LNPK: variants seen among roughly 807,000 people sequenced by gnomAD.
The protein encoded by LNPK is lunapark, ER junction formation factor.
Under a neutral mutation model 55.2 loss-of-function variants are expected in LNPK, and 29 were observed. The ratio of observed to expected loss-of-function variants is 0.53; its 90% CI spans 0.39 to 0.72. The LOEUF (loss-of-function observed/expected upper bound fraction) is 0.72, where lower values mean the gene tolerates loss of function less well. Among genes scored for constraint, LNPK ranks in the 30% least tolerant of loss-of-function variants. LNPK has a pLI of 0.00. For missense variants in LNPK, 467 were observed against 494.8 expected (o/e 0.94, Z 0.53); for synonymous variants, 162 against 168.2 (o/e 0.96, Z 0.29).
At chr2:175,938,599 C>T (rs1048990698) in intron 10 of LNPK, 9 of 342,480 alleles carry the variant, frequency 2.6e-5, no homozygotes, top group Non-Finnish European at 3.7e-5. Context: ...ATAATTTATA[C>T]ATCAAATTTA....
intron 5 of LNPK, 32 bp downstream of exon 5, chr2:175,979,778 A>C: frequency 6.9e-7 from 1 of 1,458,368 alleles, no homozygotes; most frequent in Non-Finnish European, 9.2e-7. Context: ...GTATTTTAAA[A>C]AATATTTATT....
At chr2:175,970,861 G>C in intron 5 of LNPK, 57 bp from the exon 6 acceptor site, 1 of 1,329,354 alleles carries the variant, frequency 7.5e-7, no homozygotes, top group Non-Finnish European at 1.0e-6. Context: ...AAAAAATCAC[G>C]CCAAATGACA....
At chr2:175,942,890 C>A (rs1684926340) in intron 9 of LNPK, among the ~76,000 whole-genome samples, 2 of 144,280 alleles carry the variant, frequency 1.4e-5, no homozygotes, top group Admixed American at 6.9e-5. Flanking sequence ...TTGAAAAGAT[C>A]AATATAATTG....
In LNPK at chr2:175,939,649, G is replaced by A. The variant is rs1292663407; in HGVS notation, c.715C>T (p.Pro239Ser). Reference sequence around the variant, plus strand: ...GGTCTTGCTAAAGGTGGACCTGGAGGATGAAGACCTATTAAATAAATAAAT... The same window carrying A: ...GGTCTTGCTAAAGGTGGACCTGGAGAATGAAGACCTATTAAATAAATAAAT... ...ATSVPGMGLH[P>S]PGPPLARPIL... Residue 239 changes from proline (P) to serine (S), a missense_variant, in exon 10 of 13, where the codon CCT (proline) becomes TCT (serine). Physicochemically the swap from Pro to Ser is moderately conservative, Grantham distance 74. Transcript: ENST00000272748. 3.3e-6 allele frequency: 5 copies of A among 1,513,432 alleles called. No homozygotes were observed. The Admixed American group carries it at 9.1e-5, about 27-fold the overall frequency. The allele number at this position is 1,513,432 out of a possible 1,614,324, so 93.8% of individuals were successfully genotyped here.
At chr2:175,952,742 C>A (rs1685485979) in intron 8 of LNPK, among the ~76,000 whole-genome samples, 1 of 151,968 alleles carries the variant, frequency 6.6e-6, no homozygotes. Flanking sequence ...TAACCCAACT[C>A]AATCTGGTTT....
chr2:175,993,055 T>G lies in LNPK; in HGVS notation c.69+127A>C, dbSNP rs1687773188. On this transcript the variant is annotated intron_variant, in intron 3 of 12. Transcript: ENST00000272748. ...TTTTGAGATCACATAATATTAAAGT[T>G]CTCAGACTCACTCTATATCATTTCT... 4.3e-5 allele frequency: 25 copies of G among 582,696 alleles called. 2 individuals carry two copies. The South Asian group carries it at 5.1e-4, about 12-fold the overall frequency. The allele number at this position is 582,696 out of a possible 1,614,324, so 36.1% of individuals were successfully genotyped here. A position where few individuals can be genotyped will look rare whatever the true frequency, so the allele number is the denominator to read the frequency against.
intron 6 of LNPK, among the ~76,000 whole-genome samples, chr2:175,965,975 T>C (rs1038756613): frequency 6.6e-6 from 1 of 152,242 alleles, no homozygotes; most frequent in African/African-American, 2.4e-5. Context: ...AAATGGTCTA[T>C]GTCAGCGTAA....
At chr2:175,991,901 T>C (rs1687718015) in intron 4 of LNPK, among the ~76,000 whole-genome samples, 1 of 152,180 alleles carries the variant, frequency 6.6e-6, no homozygotes, top group Non-Finnish European at 1.5e-5. Flanking sequence ...TCTTTCGTTT[T>C]TACAAACCCT....
At chr2:175,957,774 G>C (rs991504045) in intron 8 of LNPK, among the ~76,000 whole-genome samples, 1 of 152,200 alleles carries the variant, frequency 6.6e-6, no homozygotes, top group Non-Finnish European at 1.5e-5. Context: ...CCTGGGAAGT[G>C]CAAGGAGTCA....
intron 1 of LNPK, among the ~76,000 whole-genome samples, chr2:176,001,909 G>C (rs1688177683): frequency 6.6e-6 from 1 of 152,204 alleles, no homozygotes; most frequent in African/African-American, 2.4e-5. Flanking sequence ...GGGAAACAAG[G>C]GTTTCAAGAC....
intron 4 of LNPK, among the ~76,000 whole-genome samples, 178 bp from the exon 5 acceptor site, chr2:175,980,046 G>T (rs1687098618): frequency 6.6e-6 from 1 of 152,146 alleles, no homozygotes; most frequent in Non-Finnish European, 1.5e-5. Flanking sequence ...GCTTTCAAAG[G>T]AGGAGTTCTC....
intron 9 of LNPK, among the ~76,000 whole-genome samples, chr2:175,941,285 T>TTATATTTATATTTATATTTA (rs1684828285): frequency 6.8e-6 from 1 of 147,658 alleles, no homozygotes; most frequent in African/African-American, 2.5e-5. Context: ...ATATTTATAT[T>TTATATTTATATTTATATTTA]TATATTTATA....
At chr2:175,965,977 T>A (rs886083772) in intron 6 of LNPK, among the ~76,000 whole-genome samples, 1 of 152,236 alleles carries the variant, frequency 6.6e-6, no homozygotes, top group African/African-American at 2.4e-5. Flanking sequence ...ATGGTCTATG[T>A]CAGCGTAATA....
intron 4 of LNPK, among the ~76,000 whole-genome samples, chr2:175,980,978 T>C (rs1687145975): frequency 6.6e-6 from 1 of 152,062 alleles, no homozygotes; most frequent in African/African-American, 2.4e-5. Context: ...TTGTATCTCT[T>C]GTAAAAAAAA....
At chr2:175,969,028 A>G (rs929677008) in intron 6 of LNPK, among the ~76,000 whole-genome samples, 5 of 151,104 alleles carry the variant, frequency 3.3e-5, no homozygotes, top group African/African-American at 1.2e-4. Flanking sequence ...CAAAAAAAGA[A>G]AAAAAAAAAA....
intron 8 of LNPK, among the ~76,000 whole-genome samples, chr2:175,963,265 T>A (rs541524980): frequency 2.0e-5 from 3 of 152,310 alleles, no homozygotes; most frequent in East Asian, 3.9e-4. Flanking sequence ...TGTATGTTTA[T>A]TGCGGCATTA....
In LNPK at chr2:175,927,844, A is replaced by T. The variant is rs921614998; in HGVS notation, c.*2123T>A. The T allele has an allele frequency of 6.6e-6, 1 of 152,148 alleles. No individual in the cohort carries two copies. The highest frequency in any genetic ancestry group is 6.6e-5 in the Admixed American group (1 of 15,266). 9.4% of individuals were successfully genotyped at this position (152,148 alleles called of 1,614,324 possible). ...GATACTATATGGTTACAAACATGTTACCTATCGCATTAATTTTACTAATCC... is the reference window on the plus strand; with the variant it reads ...GATACTATATGGTTACAAACATGTTTCCTATCGCATTAATTTTACTAATCC... On this transcript the variant is annotated 3_prime_UTR_variant, in exon 13 of 13. Transcript: ENST00000272748.
chr2:175,956,338 C>T (rs1183920891), intron 8 of LNPK, among the ~76,000 whole-genome samples: 1 of 151,662 alleles, frequency 6.6e-6, no homozygotes, highest in African/African-American at 2.4e-5. Flanking sequence ...TGATCATTCT[C>T]CCTATTTCAA....
At chr2:175,965,632 CTCAAT>C (rs1364807712) in intron 6 of LNPK, among the ~76,000 whole-genome samples, 1 of 152,144 alleles carries the variant, frequency 6.6e-6, no homozygotes, top group African/African-American at 2.4e-5. Context: ...TCATTAAACA[CTCAAT>C]TCGACATTTA....
Sources: gnomAD v4.1 joint callset for allele counts (sites outside exome capture counted in the v4.1 genomes callset) on GRCh38, gnomAD v4.1.1 for gene constraint, MANE v1.5 for transcripts, NCBI Gene and HGNC (gene_info 2026-07-23, HGNC 2026-07-21) for gene names.